Variants in DPY19L3 observed in about 807,000 individuals in gnomAD.
The protein encoded by DPY19L3 is dpy-19 like C-mannosyltransferase 3.
DPY19L3 carries 51 observed loss-of-function variants against 92.3 expected under a neutral mutation model. That is an observed-to-expected ratio of 0.55 (90% CI 0.44 to 0.70). The LOEUF is 0.70. Ranked by LOEUF, DPY19L3 falls within the 30% of genes least tolerant of loss-of-function variation. The pLI is 0.00. For synonymous variants in DPY19L3, 309 were observed against 315.2 expected, an observed-to-expected ratio of 0.98 and a Z score of 0.21; for missense variants, 706 against 855.9, an observed-to-expected ratio of 0.82 and a Z score of 2.18.
chr19:32,472,644 A>G (rs1433560073), intron 16 of DPY19L3, among the ~76,000 whole-genome samples: 4 of 152,112 alleles, frequency 2.6e-5, no homozygotes, highest in Non-Finnish European at 4.4e-5. Context: ...GCTGAATGCA[A>G]CCACAATCTG....
At chr19:32,425,029 C>A (rs1283471185) in intron 3 of DPY19L3, among the ~76,000 whole-genome samples, 1 of 152,050 alleles carries the variant, frequency 6.6e-6, no homozygotes, top group Non-Finnish European at 1.5e-5. Flanking sequence ...TATTCACATG[C>A]AAAAGAATGA....
At chr19:32,427,804 C>T (rs1968815522) in intron 3 of DPY19L3, among the ~76,000 whole-genome samples, 1 of 152,072 alleles carries the variant, frequency 6.6e-6, no homozygotes, top group South Asian at 2.1e-4. Context: ...GCATGATTCC[C>T]AGTACAGAAC....
chr19:32,455,078 ATTAAC>A lies in DPY19L3; in HGVS notation c.1089+42_1089+46del, dbSNP rs760753807. On this transcript the variant is annotated intron_variant, in intron 10 of 18. Coordinates refer to ENST00000392250, the MANE Select transcript of DPY19L3 (RefSeq NM_001172774.2). ...AAATGACATGTTTAATGTATTTTTAATTAACTTATGGCATTGGAGATAATTTTTGA... is the reference window on the plus strand; with the variant it reads ...AAATGACATGTTTAATGTATTTTTAATTATGGCATTGGAGATAATTTTTGA... 61 of 1,283,750 alleles carry A rather than the reference ATTAAC, an allele frequency of 4.8e-5. No individual in the cohort carries two copies. In the East Asian group the frequency reaches 1.5e-3, roughly 31 times the overall value. 79.5% of individuals were successfully genotyped at this position (1,283,750 alleles called of 1,614,324 possible).
At chr19:32,477,679 C>A (rs367807281) in intron 17 of DPY19L3, 25 bp downstream of exon 17, 2 of 1,613,092 alleles carry the variant, frequency 1.2e-6, no homozygotes, top group African/African-American at 2.7e-5. Context: ...TGCCTCCCCT[C>A]GCTTCTTGTG....
At chr19:32,477,056 A>G (rs1970532766) in intron 16 of DPY19L3, among the ~76,000 whole-genome samples, 1 of 152,108 alleles carries the variant, frequency 6.6e-6, no homozygotes, top group Non-Finnish European at 1.5e-5. Context: ...TCAATACGCA[A>G]AGCAGTGGCA....
intron 11 of DPY19L3, 72 bp downstream of exon 11, chr19:32,458,245 C>T: frequency 6.3e-7 from 1 of 1,577,400 alleles, no homozygotes; most frequent in South Asian, 1.2e-5. Flanking sequence ...CTTAAGTTGT[C>T]ATTGTGCCTT....
intron 17 of DPY19L3, among the ~76,000 whole-genome samples, chr19:32,478,864 T>C (rs1466567196): frequency 1.3e-5 from 2 of 152,224 alleles, no homozygotes; most frequent in Non-Finnish European, 1.5e-5. Context: ...CATCACTCTT[T>C]CCAGGCACGG....
At chr19:32,424,358 G>A (rs1968685576) in intron 3 of DPY19L3, among the ~76,000 whole-genome samples, 1 of 151,418 alleles carries the variant, frequency 6.6e-6, no homozygotes, top group Non-Finnish European at 1.5e-5. Flanking sequence ...AAATGGATGG[G>A]AGTATCCTGA....
chr19:32,451,888 G>C (rs1969712037), intron 8 of DPY19L3, among the ~76,000 whole-genome samples: 1 of 151,882 alleles, frequency 6.6e-6, no homozygotes. Context: ...AGGCTGGAAT[G>C]GAGTGGAGCG....
Position 32,448,325 on chromosome 19 carries a change from T to C in DPY19L3, c.856-4820T>C, listed in dbSNP as rs183530977. Among the ~76,000 whole-genome samples the C allele has an allele frequency of 2.7e-3, 408 of 152,286 alleles. 3 individuals are homozygous for C. The highest frequency in any genetic ancestry group is 0.014 in the Middle Eastern group (4 of 294). On this transcript the variant is annotated intron_variant, in intron 8 of 18. Transcript: ENST00000392250. ...TGATGAGGAGCATGGACACGATCCA[T>C]TGAAGACAGCTGTAGTTATTCTACA...
chr19:32,441,997 TG>T (rs770161739), intron 8 of DPY19L3, among the ~76,000 whole-genome samples: 3 of 152,218 alleles, frequency 2.0e-5, no homozygotes, highest in Non-Finnish European at 2.9e-5. Flanking sequence ...GAAAGGATCC[TG>T]AGTTATAAAA....
intron 6 of DPY19L3, 101 bp from the exon 7 acceptor site, chr19:32,439,011 G>A: frequency 1.6e-6 from 2 of 1,275,968 alleles, no homozygotes; most frequent in Non-Finnish European, 2.2e-6. Context: ...AGAATCTTAA[G>A]TATACTTGTC....
At chr19:32,470,046 C>A (rs1201917197) in intron 16 of DPY19L3, among the ~76,000 whole-genome samples, 2 of 152,186 alleles carry the variant, frequency 1.3e-5, no homozygotes, top group East Asian at 1.9e-4. Context: ...ACAGCTGAGG[C>A]CTCCCTAGGG....
intron 8 of DPY19L3, among the ~76,000 whole-genome samples, chr19:32,448,170 A>G (rs1448898255): frequency 6.6e-6 from 1 of 152,206 alleles, no homozygotes; most frequent in Non-Finnish European, 1.5e-5. Context: ...CCAATATTGC[A>G]TAGTGGTTAA....
chr19:32,471,959 G>C (rs1465168743), intron 16 of DPY19L3, among the ~76,000 whole-genome samples: 1 of 152,002 alleles, frequency 6.6e-6, no homozygotes, highest in Admixed American at 6.6e-5. Context: ...GATGTTCATC[G>C]AGCCCCAGCT....
Position 32,482,352 on chromosome 19 carries a change from A to T in DPY19L3, c.*112A>T. ...GTAGCCCAAACCTTCAAGCTGTGAT[A>T]TGAGTAAGTTCTACAGATGTTTACA... On this transcript the variant is annotated 3_prime_UTR_variant, in exon 19 of 19. Coordinates refer to ENST00000392250, the MANE Select transcript of DPY19L3 (RefSeq NM_001172774.2). The T allele has an allele frequency of 8.1e-7, 1 of 1,238,320 alleles. No homozygotes were observed. The allele number at this position is 1,238,320 out of a possible 1,614,324, so 76.7% of individuals were successfully genotyped here.
At chr19:32,423,442 G>A (rs1337121900) in intron 3 of DPY19L3, among the ~76,000 whole-genome samples, 3 of 76,720 alleles carry the variant, frequency 3.9e-5, no homozygotes, top group Non-Finnish European at 8.5e-5. Flanking sequence ...TAGAGACAGG[G>A]TTTTGCCATG....
In DPY19L3 at chr19:32,484,626, T is replaced by A. The variant is rs1319957355; in HGVS notation, c.*2386T>A. 6.6e-6 allele frequency: 1 copy of A among 152,232 alleles called. No individual in the cohort carries two copies. Among genetic ancestry groups the A allele is most frequent in the Non-Finnish European group, 1.5e-5 (1 of 68,074 alleles). 9.4% of individuals were successfully genotyped at this position (152,232 alleles called of 1,614,324 possible). A position where few individuals can be genotyped will look rare whatever the true frequency, so the allele number is the denominator to read the frequency against. On this transcript the variant is annotated 3_prime_UTR_variant, in exon 19 of 19. Transcript: ENST00000392250. The stretch of plus-strand genomic sequence containing the variant: ...TGACTCCCAGGCCCCGGAGTCTCCA[T>A]CTCTCTCGTAAGCCACCTGCCACAG...
At position 32,444,034 on chromosome 19, in the gene DPY19L3, C is replaced by CA. The variant is rs61073758; in HGVS notation, c.855+4138dup. 5.1e-4 allele frequency among the ~76,000 whole-genome samples: 66 copies of CA among 129,912 alleles called. No homozygotes were observed. The East Asian group carries it at 5.3e-3, about 10-fold the overall frequency. The allele number at this position is 129,912 out of a possible 152,430, so 85.2% of individuals were successfully genotyped here. ...TGGGCAACGGAGCAAGACTCTGTCT[C>CA]AAAAAAAAAAAAAAGAAAAAAAAAT... On this transcript the variant is annotated intron_variant, in intron 8 of 18. Transcript: ENST00000392250.
Sources: allele counts gnomAD v4.1 joint callset (sites outside exome capture counted in the v4.1 genomes callset), GRCh38; gene constraint gnomAD v4.1.1; transcripts MANE v1.5; gene names NCBI Gene and HGNC (gene_info 2026-07-23, HGNC 2026-07-21).